SLC14A2: variants seen among roughly 807,000 people sequenced by gnomAD.
The protein encoded by SLC14A2 is solute carrier family 14 member 2, also known as urea transporter 2.
A neutral mutation model predicts 104.6 loss-of-function variants in SLC14A2; 91 were observed. The ratio of observed to expected loss-of-function variants is 0.87; its 90% CI spans 0.73 to 1.04. The LOEUF (loss-of-function observed/expected upper bound fraction) is 1.04, where lower values mean the gene tolerates loss of function less well. Among genes scored for constraint, SLC14A2 ranks in the 50% least tolerant of loss-of-function variants. The pLI, the probability that SLC14A2 is intolerant of heterozygous loss-of-function variation, is 0.00. For missense variants in SLC14A2, 1,189 were observed against 1,156.0 expected (o/e 1.03, Z -0.41); for synonymous variants, 476 against 466.4 (o/e 1.02, Z -0.27).
intron 1 of SLC14A2, among the ~76,000 whole-genome samples, chr18:45,224,050 T>C (rs572584560): frequency 9.4e-4 from 143 of 152,362 alleles, no homozygotes; most frequent in African/African-American, 3.2e-3. Flanking sequence ...AAGAGAGTAA[T>C]TTATTTATTC....
At chr18:45,437,309 A>G (rs1175827132) in intron 1 of SLC14A2, among the ~76,000 whole-genome samples, 1 of 152,048 alleles carries the variant, frequency 6.6e-6, no homozygotes, top group Non-Finnish European at 1.5e-5. Context: ...AGCAGGGCCA[A>G]GGTGCAGGCA....
intron 2 of SLC14A2, among the ~76,000 whole-genome samples, chr18:45,609,768 A>G (rs1410454867): frequency 6.6e-6 from 1 of 152,214 alleles, no homozygotes; most frequent in Non-Finnish European, 1.5e-5. Flanking sequence ...ATACACTTTT[A>G]TTTCTGAAAT....
chr18:45,561,353 C>T (rs1378088219), intron 2 of SLC14A2, among the ~76,000 whole-genome samples: 1 of 152,140 alleles, frequency 6.6e-6, no homozygotes, highest in Non-Finnish European at 1.5e-5. Context: ...CCCACTTAGT[C>T]TGGGGAAGCT....
chr18:45,327,002 C>T (rs569694780), intron 1 of SLC14A2, among the ~76,000 whole-genome samples: 1 of 152,180 alleles, frequency 6.6e-6, no homozygotes, highest in South Asian at 2.1e-4. Context: ...ATCAATCAAT[C>T]AGTCATTCTA....
the SLC14A2 span, among the ~76,000 whole-genome samples, chr18:45,168,122 A>T: frequency 6.6e-6 from 1 of 152,174 alleles, no homozygotes; most frequent in Non-Finnish European, 1.5e-5. Context: ...AATATGCTAA[A>T]TAATCCTCTT....
At chr18:45,560,176 G>A (rs2044183197) in intron 2 of SLC14A2, among the ~76,000 whole-genome samples, 1 of 152,210 alleles carries the variant, frequency 6.6e-6, no homozygotes, top group South Asian at 2.1e-4. Context: ...TATTTGGATA[G>A]CACCCAGTGG....
chr18:45,417,292 C>A (rs956796708), intron 1 of SLC14A2, among the ~76,000 whole-genome samples: 3 of 152,198 alleles, frequency 2.0e-5, no homozygotes, highest in African/African-American at 7.2e-5. Flanking sequence ...TTTTCTTTTT[C>A]AACTTCCTTG....
intron 2 of SLC14A2, chr18:45,515,313 T>C: frequency 6.6e-6 from 1 of 152,216 alleles, no homozygotes; most frequent in Admixed American, 6.5e-5. Context: ...GAGCAATGAT[T>C]ATAGAGAGTG....
At chr18:45,610,831 C>A (rs1308274640), upstream of SLC14A2, among the ~76,000 whole-genome samples, 2 of 152,202 alleles carry the variant, frequency 1.3e-5, no homozygotes, top group African/African-American at 4.8e-5. Flanking sequence ...CACAGATCAC[C>A]AATGAGGTGG....
intron 1 of SLC14A2, among the ~76,000 whole-genome samples, chr18:45,392,384 A>G (rs938235415): frequency 6.6e-6 from 1 of 152,232 alleles, no homozygotes; most frequent in African/African-American, 2.4e-5. Flanking sequence ...AACTGGGCTT[A>G]TGGAATACTT....
At position 45,639,900 on chromosome 18, in the gene SLC14A2, C is replaced by G; in HGVS notation, c.991+7C>G. On this transcript the variant is annotated splice_region_variant and intron_variant, in intron 7 of 19. Coordinates refer to ENST00000255226, the MANE Select transcript of SLC14A2 (RefSeq NM_007163.4). The stretch of plus-strand genomic sequence containing the variant: ...ATCGTGGGGCTGCTAGCAGGTAGGA[C>G]AGAGCTCCCTCTCTTCAGGTCCTCA... 1.9e-6 allele frequency: 3 copies of G among 1,612,062 alleles called. No individual in the cohort carries two copies. In the South Asian group the frequency reaches 3.3e-5, roughly 18 times the overall value.
At chr18:45,657,679 C>T (rs1282353839) in intron 10 of SLC14A2, among the ~76,000 whole-genome samples, 1 of 152,178 alleles carries the variant, frequency 6.6e-6, no homozygotes, top group Non-Finnish European at 1.5e-5. Context: ...TATGTCTTAT[C>T]TACACTCAGC....
the SLC14A2 span, among the ~76,000 whole-genome samples, chr18:45,174,971 AC>A: frequency 6.6e-6 from 1 of 152,256 alleles, no homozygotes; most frequent in South Asian, 2.1e-4. Flanking sequence ...TCACAAACAT[AC>A]CCTGTTGTCA....
At chr18:45,383,642 C>T (rs2085862451) in intron 1 of SLC14A2, among the ~76,000 whole-genome samples, 1 of 152,152 alleles carries the variant, frequency 6.6e-6, no homozygotes, top group African/African-American at 2.4e-5. Context: ...CTGGGGTTCC[C>T]CTCACAGGCC....
intron 2 of SLC14A2, chr18:45,527,729 G>T (rs939333994): frequency 3.9e-5 from 6 of 152,148 alleles, no homozygotes; most frequent in Non-Finnish European, 7.4e-5. Context: ...CAGTATCTAA[G>T]TCATAGAATT....
intron 7 of SLC14A2, 91 bp from the exon 8 acceptor site, chr18:45,641,118 T>C (rs903073042): frequency 1.4e-6 from 2 of 1,393,702 alleles, no homozygotes; most frequent in South Asian, 2.6e-5. Flanking sequence ...AACAACAGCA[T>C]GGAGGCCACT....
chr18:45,573,469 T>C (rs2044377692), intron 2 of SLC14A2, among the ~76,000 whole-genome samples: 1 of 152,222 alleles, frequency 6.6e-6, no homozygotes. Flanking sequence ...CAAGAGTAAT[T>C]TGTTATAAGT....
At chr18:45,394,228 G>A (rs887267164) in intron 1 of SLC14A2, among the ~76,000 whole-genome samples, 3 of 152,108 alleles carry the variant, frequency 2.0e-5, no homozygotes, top group Non-Finnish European at 4.4e-5. Flanking sequence ...TTCTTCTCTT[G>A]TATATCAAGC....
chr18:45,361,855 T>C (rs1307884065), intron 1 of SLC14A2, among the ~76,000 whole-genome samples: 1 of 152,186 alleles, frequency 6.6e-6, no homozygotes, highest in African/African-American at 2.4e-5. Context: ...TTCCTGATAA[T>C]TGCTGCATGG....
Sources: gnomAD v4.1 joint callset for allele counts (sites outside exome capture counted in the v4.1 genomes callset) on GRCh38, gnomAD v4.1.1 for gene constraint, MANE v1.5 for transcripts, NCBI Gene and HGNC (gene_info 2026-07-23, HGNC 2026-07-21) for gene names.